ZHX2: variants seen among roughly 807,000 people sequenced by gnomAD.
ZHX2 encodes the protein zinc fingers and homeoboxes protein 2.
ZHX2 carries 6 observed loss-of-function variants against 21.9 expected under a neutral mutation model. The ratio of observed to expected loss-of-function variants is 0.27; its 90% CI spans 0.15 to 0.54. The LOEUF (loss-of-function observed/expected upper bound fraction) is 0.54. Ranked by LOEUF, ZHX2 falls within the 20% of genes least tolerant of loss-of-function variation. The pLI is 0.95. For synonymous variants in ZHX2, 434 were observed against 437.1 expected, an observed-to-expected ratio of 0.99 and a Z score of 0.09; for missense variants, 908 against 1,090.7, an observed-to-expected ratio of 0.83 and a Z score of 2.36.
chr8:122,957,566 C>G (rs1193829359), intron 3 of ZHX2, among the ~76,000 whole-genome samples: 4 of 152,194 alleles, frequency 2.6e-5, no homozygotes, highest in Non-Finnish European at 4.4e-5. Flanking sequence ...CTCCCAGGTT[C>G]AAGCGATTCT....
intron 2 of ZHX2, among the ~76,000 whole-genome samples, chr8:122,949,649 G>C (rs56356258): frequency 0.26 from 39,109 of 152,132 alleles, 6,185 homozygotes; most frequent in South Asian, 0.4. Context: ...TTGGAGACCA[G>C]CCTGGACAAC....
chr8:122,951,586 G>A lies in ZHX2; in HGVS notation c.76G>A (p.Glu26Lys). 6.2e-7 allele frequency: 1 copy of A among 1,613,972 alleles called. No homozygotes were observed. The highest frequency in any genetic ancestry group is 1.1e-5 in the South Asian group (1 of 91,028). The change falls in exon 3 of 4, where the codon GAA becomes AAA. Residue 26 changes from glutamate (E) to lysine (K), a missense_variant. Physicochemically the swap from Glu to Lys is moderately conservative, Grantham distance 56. This residue lies in a region of ZHX2 where 25 missense variants were observed against 48.9 expected (regional missense o/e 0.51). Coordinates refer to ENST00000314393, the MANE Select transcript of ZHX2 (RefSeq NM_014943.5). ...AGTAGTAGAACAAGATGTGCCCGAG[G>A]AAGTAGACAGGGCCAAAGAGAAAGG... is the stretch of plus-strand genomic sequence containing the variant. ...SQVVEQDVPE[E>K]VDRAKEKGIG...
At chr8:122,803,421 C>T (rs1354631756) in intron 1 of ZHX2, among the ~76,000 whole-genome samples, 1 of 152,192 alleles carries the variant, frequency 6.6e-6, no homozygotes, top group Non-Finnish European at 1.5e-5. Context: ...TTCTCTGAAG[C>T]ACACCCTGCC....
At chr8:122,880,749 T>C (rs1215477924) in intron 2 of ZHX2, among the ~76,000 whole-genome samples, 1 of 135,506 alleles carries the variant, frequency 7.4e-6, no homozygotes, top group Non-Finnish European at 1.6e-5. Flanking sequence ...CACTCCAGCT[T>C]GGGCAACAGA....
chr8:122,877,357 C>A (rs2129750769), intron 2 of ZHX2, among the ~76,000 whole-genome samples: 1 of 152,298 alleles, frequency 6.6e-6, no homozygotes, highest in Non-Finnish European at 1.5e-5. Context: ...ACCATGCATA[C>A]AATTATAATA....
At chr8:122,832,205 G>A (rs994415422) in intron 1 of ZHX2, among the ~76,000 whole-genome samples, 3 of 152,228 alleles carry the variant, frequency 2.0e-5, no homozygotes, top group African/African-American at 7.2e-5. Context: ...GAGTTTCTAC[G>A]AATAGAGCAT....
chr8:122,919,738 C>A (rs906710420), intron 2 of ZHX2, among the ~76,000 whole-genome samples: 4 of 152,160 alleles, frequency 2.6e-5, no homozygotes, highest in African/African-American at 4.8e-5. Context: ...AAGTATGTGG[C>A]CTGCCCGAGG....
intron 1 of ZHX2, among the ~76,000 whole-genome samples, chr8:122,822,399 A>C (rs767195789): frequency 1.3e-5 from 2 of 152,168 alleles, no homozygotes; most frequent in African/African-American, 4.8e-5. Context: ...CCCAGGGAAC[A>C]GTGGGATTTG....
intron 1 of ZHX2, among the ~76,000 whole-genome samples, chr8:122,853,869 A>G (rs1818964163): frequency 6.6e-6 from 1 of 152,116 alleles, no homozygotes; most frequent in African/African-American, 2.4e-5. Flanking sequence ...AATGTTGAAC[A>G]GTGAGGAACA....
At chr8:122,835,971 GT>G (rs200243675) in intron 1 of ZHX2, among the ~76,000 whole-genome samples, 9 of 151,404 alleles carry the variant, frequency 5.9e-5, no homozygotes, top group Admixed American at 2.0e-4. Context: ...GGTTTTTAGG[GT>G]TTTTTTTTAT....
chr8:122,931,301 G>A (rs1284562815), intron 2 of ZHX2, among the ~76,000 whole-genome samples: 1 of 152,200 alleles, frequency 6.6e-6, no homozygotes, highest in Non-Finnish European at 1.5e-5. Flanking sequence ...AAGGGCCAGA[G>A]TTTGTGCGGT....
intron 1 of ZHX2, among the ~76,000 whole-genome samples, chr8:122,792,139 C>T (rs562797678): frequency 6.6e-6 from 1 of 152,112 alleles, no homozygotes; most frequent in Non-Finnish European, 1.5e-5. Flanking sequence ...TCCCTTCTTC[C>T]ACTCCCCGCC....
In ZHX2 at chr8:122,953,146, G is replaced by A. The variant is rs769962102; in HGVS notation, c.1636G>A (p.Asp546Asn). The change falls in exon 3 of 4, where the codon GAC becomes AAC. Residue 546 changes from aspartate (D) to asparagine (N), a missense_variant. Transcript: ENST00000314393. This position sits in a 1 kb window ranked among gnomAD's most constrained non-coding sequence, Gnocchi z 4.6. The stretch of plus-strand genomic sequence containing the variant: ...ACAGGGTCAGGTTAAAATCTTGGAA[G>A]ACAGCTTTTTGAAAAGTTCTTTTCC... ...KTQGQVKILE[D>N]SFLKSSFPTQ... 7 of 1,613,728 alleles carry A rather than the reference G, an allele frequency of 4.3e-6. No individual in the cohort carries two copies. The Admixed American group carries it at 6.7e-5, about 15-fold the overall frequency.
intron 3 of ZHX2, among the ~76,000 whole-genome samples, chr8:122,961,967 GGCCCC>G (rs1813463295): frequency 6.6e-6 from 1 of 152,092 alleles, no homozygotes; most frequent in Non-Finnish European, 1.5e-5. Flanking sequence ...TTTCTGTTGG[GGCCCC>G]ACATGTTCAT....
At chr8:122,813,661 T>G (rs1441685347) in intron 1 of ZHX2, among the ~76,000 whole-genome samples, 1 of 152,066 alleles carries the variant, frequency 6.6e-6, no homozygotes, top group Admixed American at 6.6e-5. Flanking sequence ...AGATTTTGAT[T>G]TTTTTTTAAT....
chr8:122,875,476 G>A (rs1158538726), intron 2 of ZHX2, among the ~76,000 whole-genome samples: 1 of 152,118 alleles, frequency 6.6e-6, no homozygotes, highest in African/African-American at 2.4e-5. Context: ...GTTGGGTGCT[G>A]TACTAGATGA....
chr8:122,845,826 C>G (rs567111497), intron 1 of ZHX2, among the ~76,000 whole-genome samples: 1 of 152,206 alleles, frequency 6.6e-6, no homozygotes, highest in Non-Finnish European at 1.5e-5. Context: ...GTGGTAGATG[C>G]TGAGTCAGAA....
rs921382116 is a variant in ZHX2 at position 122,875,410 on chromosome 8, G to A, written c.-220+11871G>A. ...GATATTTACTGTCTGGCCCTTGACT[G>A]AAAAAGTTTGCTGACCTCAGAAAGA... On this transcript the variant is annotated intron_variant, in intron 2 of 3. Coordinates refer to ENST00000314393, the MANE Select transcript of ZHX2 (RefSeq NM_014943.5). 3.3e-5 allele frequency among the ~76,000 whole-genome samples: 5 copies of A among 152,100 alleles called. No homozygotes were observed. The East Asian group carries it at 5.8e-4, about 18-fold the overall frequency.
intron 1 of ZHX2, among the ~76,000 whole-genome samples, chr8:122,831,220 A>G (rs534665949): frequency 6.6e-6 from 1 of 152,290 alleles, no homozygotes; most frequent in East Asian, 1.9e-4. Flanking sequence ...GCGGCATGTG[A>G]GCGAAGTCTA....
Sources: allele counts gnomAD v4.1 joint callset (sites outside exome capture counted in the v4.1 genomes callset), GRCh38; gene constraint gnomAD v4.1.1; regional missense constraint gnomAD v4.1.1; non-coding constraint Gnocchi (gnomAD v3.1); transcripts MANE v1.5; gene names NCBI Gene and HGNC (gene_info 2026-07-23, HGNC 2026-07-21).